The following RPS21 variants were observed in gnomAD, a reference collection of about 807,000 sequenced individuals.
RPS21 encodes ribosomal protein S21.
In RPS21, 6 loss-of-function variants were observed where a neutral mutation model predicts 14.5. The ratio of observed to expected loss-of-function variants is 0.41; its 90% CI spans 0.23 to 0.82. The LOEUF (loss-of-function observed/expected upper bound fraction) is 0.82, where lower values mean the gene tolerates loss of function less well. Ranked by LOEUF, RPS21 falls within the 40% of genes least tolerant of loss-of-function variation. The pLI is 0.31. For missense variants in RPS21, 85 were observed against 115.0 expected (o/e 0.74, Z 1.19); for synonymous variants, 61 against 42.6 (o/e 1.43, Z -1.69).
intron 4 of RPS21, 145 bp from the exon 5 acceptor site, chr20:62,388,164 G>A: frequency 6.8e-7 from 1 of 1,469,690 alleles, no homozygotes; most frequent in African/African-American, 1.4e-5. Context: ...GCTGCAGGCT[G>A]CCCCGGGAGA....
At chr20:62,388,404 T>C in intron 5 of RPS21, 40 bp downstream of exon 5, 1 of 1,613,464 alleles carries the variant, frequency 6.2e-7, no homozygotes, top group Non-Finnish European at 8.5e-7. Flanking sequence ...GTGAGTGGAC[T>C]AGGACTGCTC....
Position 62,387,875 on chromosome 20 carries a change from G to A in RPS21, c.147G>A (p.Gln49=), listed in dbSNP as rs1987795759. 1.2e-6 allele frequency: 2 copies of A among 1,614,210 alleles called. No individual in the cohort carries two copies. The highest frequency in any genetic ancestry group is 1.7e-6 in the Non-Finnish European group (2 of 1,180,046). Residue 49 remains glutamine (Q), a synonymous_variant, in exon 4 of 6, where the codon CAG becomes CAA. Coordinates refer to ENST00000343986, the MANE Select transcript of RPS21 (RefSeq NM_001024.4). ...VDKVTGRFNG[Q]FKTYAICGAI... Reference sequence around the variant, plus strand: ...AGGTCACAGGCAGGTTTAATGGCCAGTTTAAAACTTATGCTATCTGCGGGG... The same window carrying A: ...AGGTCACAGGCAGGTTTAATGGCCAATTTAAAACTTATGCTATCTGCGGGG...
chr20:62,387,200 C>A, intron 1 of RPS21, 64 bp downstream of exon 1: 1 of 680,512 alleles, frequency 1.5e-6, no homozygotes, highest in Non-Finnish European at 2.4e-6. Context: ...GGGGCTTGGA[C>A]GCGGGGGACG....
Position 62,388,486 on chromosome 20 carries a change from T to C in RPS21, c.*20T>C. ...TTTTGACTGGAGAGAATCACAGATGTGGAATATTTGTCATAAATAAATAAT... is the reference window on the plus strand; with the variant it reads ...TTTTGACTGGAGAGAATCACAGATGCGGAATATTTGTCATAAATAAATAAT... On this transcript the variant is annotated 3_prime_UTR_variant, in exon 6 of 6. Coordinates refer to ENST00000343986, the MANE Select transcript of RPS21 (RefSeq NM_001024.4). The C allele has an allele frequency of 1.2e-6, 2 of 1,611,834 alleles. No homozygotes were observed. Among genetic ancestry groups the C allele is most frequent in the Non-Finnish European group, 1.7e-6 (2 of 1,177,938 alleles).
chr20:62,387,428 AC>A (rs768052465), intron 2 of RPS21, 40 bp downstream of exon 2: 30 of 1,605,848 alleles, frequency 1.9e-5, no homozygotes, highest in Non-Finnish European at 2.5e-5. Context: ...TCCTTACCTA[AC>A]CACCACGTCC....
At chr20:62,388,073 G>A in intron 4 of RPS21, 159 bp downstream of exon 4, 1 of 1,552,956 alleles carries the variant, frequency 6.4e-7, no homozygotes, top group Non-Finnish European at 8.7e-7. Flanking sequence ...GTGGAAGAGG[G>A]GTGCTCTGAG....
rs755999197 is a variant in RPS21 at position 62,388,514 on chromosome 20, A to G, written c.*48A>G. The stretch of plus-strand genomic sequence containing the variant: ...AATATTTGTCATAAATAAATAATGA[A>G]AACCTACCTGTGCAGGTTCATTCTG... On this transcript the variant is annotated 3_prime_UTR_variant, in exon 6 of 6. Transcript: ENST00000343986. 3 of 1,598,880 alleles carry G rather than the reference A, an allele frequency of 1.9e-6. No homozygotes were observed. Among genetic ancestry groups the G allele is most frequent in the Non-Finnish European group, 2.6e-6 (3 of 1,166,390 alleles).
At position 62,387,825 on chromosome 20, in the gene RPS21, C is replaced by A. The variant is rs769474370; in HGVS notation, c.115-18C>A. ...CCAAACCTGGGGGAGTGGTTTGTGACCCTTCTTCTCTTTCTAGGTTGACAA... is the reference window on the plus strand; with the variant it reads ...CCAAACCTGGGGGAGTGGTTTGTGAACCTTCTTCTCTTTCTAGGTTGACAA... On this transcript the variant is annotated intron_variant, in intron 3 of 5. Transcript: ENST00000343986. 1 of 1,614,024 alleles carries A rather than the reference C, an allele frequency of 6.2e-7. No homozygotes were observed. The highest frequency in any genetic ancestry group is 1.1e-5 in the South Asian group (1 of 91,080).
In RPS21 at chr20:62,387,399, C is replaced by G; in HGVS notation, c.50+11C>G. On this transcript the variant is annotated intron_variant, in intron 2 of 5. Transcript: ENST00000343986. ...CGTGCCGCGGAAATGGTAAGCGCCCCCCACATGCCTCTCTTCCGTCCTTAC... is the reference window on the plus strand; with the variant it reads ...CGTGCCGCGGAAATGGTAAGCGCCCGCCACATGCCTCTCTTCCGTCCTTAC... The G allele has an allele frequency of 6.2e-7, 1 of 1,608,256 alleles. No homozygotes were observed. The highest frequency in any genetic ancestry group is 8.5e-7 in the Non-Finnish European group (1 of 1,177,490).
intron 4 of RPS21, 196 bp from the exon 5 acceptor site, chr20:62,388,113 C>A (rs1172940922): frequency 6.6e-7 from 1 of 1,509,432 alleles, no homozygotes. Flanking sequence ...CTCTGCCTCT[C>A]ACTAGGAGGT....
Position 62,387,371 on chromosome 20 carries a change from G to T in RPS21, c.33G>T (p.Leu11=). Reference sequence around the variant, plus strand: ...ACGACGCCGGCGAGTTCGTGGACCTGTACGTGCCGCGGAAATGGTAAGCGC... The same window carrying T: ...ACGACGCCGGCGAGTTCGTGGACCTTTACGTGCCGCGGAAATGGTAAGCGC... MQNDAGEFVD[L]YVPRKCSASN... The change falls in exon 2 of 6, where the codon CTG becomes CTT. Residue 11 remains leucine (L), a synonymous_variant. Transcript: ENST00000343986. 6.2e-7 allele frequency: 1 copy of T among 1,608,222 alleles called. No homozygotes were observed. Among genetic ancestry groups the T allele is most frequent in the Non-Finnish European group, 8.5e-7 (1 of 1,177,636 alleles).
Position 62,387,106 on chromosome 20 carries a change from TTCTC to T in RPS21, c.-44_-41del, listed in dbSNP as rs1478583053. The stretch of plus-strand genomic sequence containing the variant: ...TCTGCCGGGTGACTAGCTGCTTCCT[TTCTC>T]TCTCGCGCGCGGTGTGGTGGCAGCA... On this transcript the variant is annotated 5_prime_UTR_variant, in exon 1 of 6. Coordinates refer to ENST00000343986, the MANE Select transcript of RPS21 (RefSeq NM_001024.4). 20 of 467,666 alleles carry T rather than the reference TTCTC, an allele frequency of 4.3e-5. 1 individual carries two copies. Among genetic ancestry groups the T allele is most frequent in the East Asian group, 1.8e-4 (5 of 27,446 alleles). 29.0% of individuals were successfully genotyped at this position (467,666 alleles called of 1,614,324 possible).
rs779815223 is a variant in RPS21 at position 62,388,352 on chromosome 20, G to C, written c.230G>C (p.Gly77Ala). The change falls in exon 5 of 6, where the codon GGC becomes GCC. Residue 77 changes from glycine (G) to alanine (A), a missense_variant. Transcript: ENST00000343986. Reference protein sequence around the residue: ...DSILRLAKADGIVSKNF With the variant: ...DSILRLAKADAIVSKNF ...ATTCTCCGATTGGCCAAGGCCGATG[G>C]CATCGTCTCAAAGTAAGGTTGGGGG... 1.2e-6 allele frequency: 2 copies of C among 1,603,586 alleles called. No individual in the cohort carries two copies. The highest frequency in any genetic ancestry group is 1.7e-6 in the Non-Finnish European group (2 of 1,177,320).
rs75217009 is a variant in RPS21 at position 62,387,595 on chromosome 20, C to T, written c.51-16C>T. On this transcript the variant is annotated splice_polypyrimidine_tract_variant and intron_variant, in intron 2 of 5. Coordinates refer to ENST00000343986, the MANE Select transcript of RPS21 (RefSeq NM_001024.4). ...CCGCCCAAGTCCCCTCTGCTCACTGCGCCCTTTCTCCACAGCTCCGCTAGC... is the reference window on the plus strand; with the variant it reads ...CCGCCCAAGTCCCCTCTGCTCACTGTGCCCTTTCTCCACAGCTCCGCTAGC... 390 of 1,608,382 alleles carry T rather than the reference C, an allele frequency of 2.4e-4. 2 individuals are homozygous for T. The African/African-American group carries it at 4.5e-3, about 19-fold the overall frequency.
intron 4 of RPS21, 138 bp from the exon 5 acceptor site, chr20:62,388,171 G>C: frequency 2.7e-6 from 4 of 1,467,652 alleles, no homozygotes; most frequent in Non-Finnish European, 3.7e-6. Context: ...GCTGCCCCGG[G>C]AGAGGTGGCT....
chr20:62,387,552 T>A lies in RPS21; in HGVS notation c.51-59T>A, dbSNP rs1280583514. On this transcript the variant is annotated intron_variant, in intron 2 of 5. Transcript: ENST00000343986. Reference sequence around the variant, plus strand: ...ATTCATATACCCCCAACCTCCCTCGTCCCCTCTTTCATTCTTACCGCCCAA... The same window carrying A: ...ATTCATATACCCCCAACCTCCCTCGACCCCTCTTTCATTCTTACCGCCCAA... 18 of 1,591,526 alleles carry A rather than the reference T, an allele frequency of 1.1e-5. No homozygotes were observed. In the East Asian group the frequency reaches 3.6e-4, roughly 32 times the overall value.
chr20:62,388,252 C>T (rs1480671862), intron 4 of RPS21, 57 bp from the exon 5 acceptor site: 2 of 1,547,898 alleles, frequency 1.3e-6, no homozygotes, highest in East Asian at 2.3e-5. Flanking sequence ...TGACCTTCTG[C>T]CATCTCAGGC....
In RPS21 at chr20:62,387,342, C is replaced by G; in HGVS notation, c.4C>G (p.Gln2Glu). ...CCAGGCGCAGCCCAGCCTCGAAATG[C>G]AGAACGACGCCGGCGAGTTCGTGGA... M[Q>E]NDAGEFVDLY... Residue 2 changes from glutamine to glutamate, a missense_variant, in exon 2 of 6, where the codon CAG (glutamine) becomes GAG (glutamate). Gln to Glu is a conservative substitution (Grantham distance 29, BLOSUM62 2). Coordinates refer to ENST00000343986, the MANE Select transcript of RPS21 (RefSeq NM_001024.4). 1 of 1,602,546 alleles carries G rather than the reference C, an allele frequency of 6.2e-7. No individual in the cohort carries two copies. Among genetic ancestry groups the G allele is most frequent in the Non-Finnish European group, 8.5e-7 (1 of 1,175,154 alleles).
chr20:62,387,247 C>G (rs1569011851), intron 1 of RPS21, 74 bp from the exon 2 acceptor site: 6 of 1,183,172 alleles, frequency 5.1e-6, no homozygotes, highest in Non-Finnish European at 7.2e-6. Context: ...GGCCGTGACC[C>G]TAGGGGCCGG....
Sources: gnomAD v4.1 joint callset for allele counts on GRCh38, gnomAD v4.1.1 for gene constraint, MANE v1.5 for transcripts, NCBI Gene and HGNC (gene_info 2026-07-23, HGNC 2026-07-21) for gene names.